ERGIC2: variants seen among roughly 807,000 people sequenced by gnomAD.
ERGIC2 encodes ERGIC and golgi 2, also known as endoplasmic reticulum-Golgi intermediate compartment protein 2.
A neutral mutation model predicts 52.5 loss-of-function variants in ERGIC2; 31 were observed. That is an observed-to-expected ratio of 0.59 (90% CI 0.44 to 0.80). The LOEUF (loss-of-function observed/expected upper bound fraction) is 0.80, where lower values mean the gene tolerates loss of function less well. ERGIC2 is among the 30% of genes least tolerant of loss of function. The pLI is 0.00. For missense variants in ERGIC2, 395 were observed against 455.2 expected (o/e 0.87, Z 1.20); for synonymous variants, 129 against 140.6 (o/e 0.92, Z 0.58).
chr12:29,370,995 C>G (rs991019544), intron 2 of ERGIC2, among the ~76,000 whole-genome samples: 4 of 152,010 alleles, frequency 2.6e-5, no homozygotes, highest in Admixed American at 2.6e-4. Flanking sequence ...AAATGTCAAC[C>G]TTAAGTGAAA....
rs559390626 is a variant in ERGIC2, at chr12:29,341,125, C to T, written c.*31G>A. ...TTAAAAAAAGGTTTTATGTCTCAGG[C>T]AAAAAGTTTTTCTCCTTCAATCGGG... On this transcript the variant is annotated 3_prime_UTR_variant, in exon 14 of 14. Transcript: ENST00000360150. The T allele has an allele frequency of 6.5e-7, 1 of 1,529,856 alleles. No individual in the cohort carries two copies. The allele number at this position is 1,529,856 out of a possible 1,614,324, so 94.8% of individuals were successfully genotyped here. A position where few individuals can be genotyped will look rare whatever the true frequency, so the allele number is the denominator to read the frequency against.
At chr12:29,359,718 G>A (rs1159212590) in intron 6 of ERGIC2, among the ~76,000 whole-genome samples, 2 of 151,626 alleles carry the variant, frequency 1.3e-5, no homozygotes, top group Non-Finnish European at 2.9e-5. Flanking sequence ...TGGTGAAACT[G>A]GAAATTAAAA....
chr12:29,363,089 T>TC, intron 5 of ERGIC2, among the ~76,000 whole-genome samples: 1 of 152,330 alleles, frequency 6.6e-6, no homozygotes, highest in South Asian at 2.1e-4. Context: ...TTTTTACTCC[T>TC]CTTCCCTTTT....
rs1160447487 is a variant in ERGIC2, at chr12:29,345,493, G to A, written c.775C>T (p.His259Tyr). 1 of 1,606,128 alleles carries A rather than the reference G, an allele frequency of 6.2e-7. No individual in the cohort carries two copies. Among genetic ancestry groups the A allele is most frequent in the Non-Finnish European group, 8.5e-7 (1 of 1,174,766 alleles). The change falls in exon 11 of 14, where the codon CAT becomes TAT. Residue 259 changes from histidine (H) to tyrosine (Y), a missense_variant. Transcript: ENST00000360150. ...YFITVVPTKL[H>Y]TYKISADTHQ... ...GTGTCTGCTGATATTTTATATGTAT[G>A]TAGTTTTGTTGGCACAACTGTAATA...
At position 29,343,210 on chromosome 12, in the gene ERGIC2, G is replaced by A. The variant is rs772898375; in HGVS notation, c.898C>T (p.Leu300Phe). 6.8e-6 allele frequency: 11 copies of A among 1,610,972 alleles called. No individual in the cohort carries two copies. The highest frequency in any genetic ancestry group is 9.3e-6 in the Non-Finnish European group (11 of 1,177,878). Reference sequence around the variant, plus strand: ...TGCTCCTCAGTAACTGTCACCATAAGAGAACTGAGATCATATTTCATAAAT... The same window carrying A: ...TGCTCCTCAGTAACTGTCACCATAAAAGAACTGAGATCATATTTCATAAAT... ...GIFMKYDLSS[L>F]MVTVTEEHMP... Residue 300 changes from leucine (L) to phenylalanine (F), a missense_variant, in exon 12 of 14, where the codon CTT (leucine) becomes TTT (phenylalanine). Physicochemically the swap from Leu to Phe is conservative, Grantham distance 22. Transcript: ENST00000360150.
chr12:29,356,330 A>C, intron 8 of ERGIC2, 52 bp downstream of exon 8: 1 of 1,134,888 alleles, frequency 8.8e-7, no homozygotes, highest in South Asian at 1.2e-5. Context: ...ATTTACTTTT[A>C]ACCAAGCTCC....
rs1016862837 is a variant in ERGIC2, at chr12:29,340,652, G to A, written c.*504C>T. On this transcript the variant is annotated 3_prime_UTR_variant, in exon 14 of 14. Transcript: ENST00000360150. ...ATGGCTATAACATAGGGACTAGCCC[G>A]TTTTTTTTTTTTATTAACAATGTGA... 4 of 237,256 alleles carry A rather than the reference G, an allele frequency of 1.7e-5. No individual in the cohort carries two copies. The highest frequency in any genetic ancestry group is 3.3e-5 in the Non-Finnish European group (4 of 122,068). 14.7% of individuals were successfully genotyped at this position (237,256 alleles called of 1,614,324 possible).
At chr12:29,374,371 G>A (rs1565546097) in intron 1 of ERGIC2, among the ~76,000 whole-genome samples, 2 of 152,082 alleles carry the variant, frequency 1.3e-5, no homozygotes, top group Non-Finnish European at 2.9e-5. Flanking sequence ...TTGGCTTACT[G>A]TGCAAATTCA....
At chr12:29,371,472 T>C (rs1940438741) in intron 2 of ERGIC2, 56 bp downstream of exon 2, 2 of 1,122,568 alleles carry the variant, frequency 1.8e-6, no homozygotes, top group Admixed American at 4.7e-5. Context: ...TGTTGTTGAC[T>C]GGATCACGCA....
intron 10 of ERGIC2, among the ~76,000 whole-genome samples, chr12:29,347,655 A>C (rs747558152): frequency 6.6e-5 from 10 of 152,184 alleles, no homozygotes; most frequent in Admixed American, 2.6e-4. Flanking sequence ...GTTAATTGTT[A>C]AGTAACTCCT....
At chr12:29,353,226 T>C (rs1940156895) in intron 8 of ERGIC2, among the ~76,000 whole-genome samples, 1 of 152,190 alleles carries the variant, frequency 6.6e-6, no homozygotes, top group Admixed American at 6.5e-5. Context: ...ACTGGAATGA[T>C]TGGTAGTTTG....
chr12:29,373,743 T>C (rs2136881436), intron 1 of ERGIC2, among the ~76,000 whole-genome samples: 2 of 152,244 alleles, frequency 1.3e-5, no homozygotes. Flanking sequence ...CGAATTATGA[T>C]TTTTTTCCCA....
At chr12:29,373,415 AC>A (rs1205636868) in intron 1 of ERGIC2, among the ~76,000 whole-genome samples, 3 of 152,226 alleles carry the variant, frequency 2.0e-5, no homozygotes, top group Admixed American at 6.5e-5. Flanking sequence ...TGCAGAAGTC[AC>A]TATAAGAGAA....
At chr12:29,350,671 A>G (rs1940118808) in intron 8 of ERGIC2, among the ~76,000 whole-genome samples, 1 of 152,138 alleles carries the variant, frequency 6.6e-6, no homozygotes, top group African/African-American at 2.4e-5. Flanking sequence ...AATAACTTCC[A>G]ATCTAAATTA....
At chr12:29,381,071 G>C (rs1940582278) in intron 1 of ERGIC2, 44 bp downstream of exon 1, 2 of 152,272 alleles carry the variant, frequency 1.3e-5, no homozygotes, top group Admixed American at 6.5e-5. Flanking sequence ...AACAGCCCTG[G>C]AACAACCGAG....
Position 29,341,153 on chromosome 12 carries a change from G to A in ERGIC2, c.*3C>T. On this transcript the variant is annotated 3_prime_UTR_variant, in exon 14 of 14. Coordinates refer to ENST00000360150, the MANE Select transcript of ERGIC2 (RefSeq NM_016570.3). ...AAAGTTTTTCTCCTTCAATCGGGAGGTGTTAATGTGTATTATTTTCTAAAA... is the reference window on the plus strand; with the variant it reads ...AAAGTTTTTCTCCTTCAATCGGGAGATGTTAATGTGTATTATTTTCTAAAA... 3 of 1,603,900 alleles carry A rather than the reference G, an allele frequency of 1.9e-6. No homozygotes were observed. The highest frequency in any genetic ancestry group is 2.6e-6 in the Non-Finnish European group (3 of 1,173,284).
At chr12:29,368,648 T>C (rs2136876152) in intron 3 of ERGIC2, among the ~76,000 whole-genome samples, 1 of 152,000 alleles carries the variant, frequency 6.6e-6, no homozygotes, top group African/African-American at 2.4e-5. Flanking sequence ...AATCAAGAAT[T>C]AGGAATTGTC....
intron 10 of ERGIC2, 119 bp downstream of exon 10, chr12:29,348,960 C>A: frequency 1.8e-6 from 1 of 541,662 alleles, no homozygotes; most frequent in South Asian, 2.7e-5. Context: ...TCTCAATCAC[C>A]AACCACTTAA....
intron 1 of ERGIC2, among the ~76,000 whole-genome samples, chr12:29,373,555 C>T (rs567041554): frequency 6.6e-6 from 1 of 152,236 alleles, no homozygotes; most frequent in South Asian, 2.1e-4. Context: ...GAAAAACTGG[C>T]AGTAAACATG....
Sources: gnomAD v4.1 joint callset for allele counts (sites outside exome capture counted in the v4.1 genomes callset) on GRCh38, gnomAD v4.1.1 for gene constraint, MANE v1.5 for transcripts, NCBI Gene and HGNC (gene_info 2026-07-23, HGNC 2026-07-21) for gene names.